CALN1: variants seen among roughly 807,000 people sequenced by gnomAD.
CALN1 encodes calneuron 1, also known as calcium-binding protein 8.
CALN1 carries 17 observed loss-of-function variants against 30.6 expected under a neutral mutation model. The observed-to-expected ratio is 0.56, with a 90% confidence interval of 0.38 to 0.83. CALN1 has a LOEUF of 0.83. CALN1 is among the 40% of genes least tolerant of loss of function. The probability of loss-of-function intolerance (pLI) is 0.00; values close to 1 mark genes in which losing one functional copy is unlikely to be tolerated. For synonymous variants in CALN1, 156 were observed against 131.4 expected (o/e 1.19, Z -1.28); for missense variants, 291 against 354.9 (o/e 0.82, Z 1.45).
intron 5 of CALN1, among the ~76,000 whole-genome samples, chr7:71,825,323 C>T (rs926222913): frequency 6.6e-6 from 1 of 152,116 alleles, no homozygotes; most frequent in South Asian, 2.1e-4. Flanking sequence ...GGGGCAGTTT[C>T]CCCCATACTG....
chr7:72,482,611 T>C, the CALN1 span, among the ~76,000 whole-genome samples: 1 of 152,170 alleles, frequency 6.6e-6, no homozygotes, highest in East Asian at 1.9e-4. Context: ...ATAAGAACAT[T>C]ATAATAGTAT....
intron 3 of CALN1, among the ~76,000 whole-genome samples, chr7:72,261,754 A>ACAC (rs1354876360): frequency 2.0e-5 from 3 of 152,170 alleles, no homozygotes; most frequent in Admixed American, 6.6e-5. Context: ...CAGGAAAAAA[A>ACAC]CACCACCACC....
At chr7:72,410,614 C>G (rs1474623699) in intron 1 of CALN1, among the ~76,000 whole-genome samples, 53 of 152,306 alleles carry the variant, frequency 3.5e-4, no homozygotes, top group Non-Finnish European at 5.9e-5. Flanking sequence ...GCCCTAATGT[C>G]CCTTCATGTC....
intron 4 of CALN1, among the ~76,000 whole-genome samples, chr7:72,047,704 CA>C (rs1403705796): frequency 6.6e-6 from 1 of 152,184 alleles, no homozygotes; most frequent in African/African-American, 2.4e-5. Flanking sequence ...CAGGGAACTG[CA>C]ACTTCTAACT....
intron 5 of CALN1, among the ~76,000 whole-genome samples, chr7:71,971,538 C>T (rs1797799381): frequency 6.6e-6 from 1 of 152,056 alleles, no homozygotes; most frequent in Non-Finnish European, 1.5e-5. Context: ...ATTCTATATG[C>T]ATTATCTCAT....
intron 2 of CALN1, among the ~76,000 whole-genome samples, chr7:72,329,544 C>G (rs571141048): frequency 2.0e-5 from 3 of 152,352 alleles, no homozygotes; most frequent in South Asian, 2.1e-4. Context: ...CCAGTTCATT[C>G]CTGCTTTGAG....
intron 3 of CALN1, among the ~76,000 whole-genome samples, chr7:72,204,716 T>C (rs1264381817): frequency 1.3e-5 from 2 of 152,176 alleles, no homozygotes; most frequent in South Asian, 2.1e-4. Context: ...GAATTATACA[T>C]GTAAAGACTT....
At chr7:71,791,590 T>A (rs1793389886) in intron 6 of CALN1, among the ~76,000 whole-genome samples, 1 of 151,876 alleles carries the variant, frequency 6.6e-6, no homozygotes, top group Non-Finnish European at 1.5e-5. Flanking sequence ...CAGAAAAAAA[T>A]CACTATTGGG....
chr7:72,154,883 C>T (rs1198421451), intron 3 of CALN1, among the ~76,000 whole-genome samples: 2 of 145,948 alleles, frequency 1.4e-5, no homozygotes, highest in Non-Finnish European at 3.0e-5. Flanking sequence ...TAATGAGATC[C>T]TGTCTCTACA....
intron 4 of CALN1, among the ~76,000 whole-genome samples, chr7:72,083,134 G>A (rs1805259582): frequency 6.6e-6 from 1 of 152,042 alleles, no homozygotes; most frequent in South Asian, 2.1e-4. Context: ...CTGGGAGGCG[G>A]AGGATGCAGT....
chr7:72,410,149 T>C (rs1207171180), intron 1 of CALN1, among the ~76,000 whole-genome samples: 1 of 152,118 alleles, frequency 6.6e-6, no homozygotes, highest in African/African-American at 2.4e-5. Context: ...GAGTGTGAGC[T>C]CCAGCCTGCC....
intron 5 of CALN1, among the ~76,000 whole-genome samples, chr7:71,856,591 C>T (rs544889982): frequency 2.4e-4 from 37 of 152,256 alleles, no homozygotes; most frequent in African/African-American, 8.4e-4. Flanking sequence ...TACTGTTTAA[C>T]TGCTTCATTT....
chr7:71,820,772 G>C (rs367762103), intron 5 of CALN1, among the ~76,000 whole-genome samples: 1 of 152,154 alleles, frequency 6.6e-6, no homozygotes, highest in Non-Finnish European at 1.5e-5. Flanking sequence ...GAAATTACTT[G>C]ATCAGGTTTG....
chr7:72,328,528 A>C (rs1267058814), intron 2 of CALN1, among the ~76,000 whole-genome samples: 1 of 152,198 alleles, frequency 6.6e-6, no homozygotes, highest in Non-Finnish European at 1.5e-5. Flanking sequence ...GTATGTCTTT[A>C]TTAGCAGTGT....
intron 5 of CALN1, among the ~76,000 whole-genome samples, chr7:72,012,197 A>C (rs1800119923): frequency 6.6e-6 from 1 of 152,106 alleles, no homozygotes; most frequent in African/African-American, 2.4e-5. Context: ...ACCAGCCATG[A>C]GGTTATTTTG....
intron 3 of CALN1, among the ~76,000 whole-genome samples, chr7:72,215,115 C>T (rs1381622388): frequency 6.6e-6 from 1 of 152,144 alleles, no homozygotes. Context: ...TGGGAAAAAG[C>T]ATCTTCCATG....
At chr7:72,083,044 T>C (rs1805252606) in intron 4 of CALN1, among the ~76,000 whole-genome samples, 1 of 151,444 alleles carries the variant, frequency 6.6e-6, no homozygotes, top group Admixed American at 6.6e-5. Context: ...CTATTAAAAA[T>C]ACAAAAATTA....
At chr7:71,934,309 T>C (rs1355116093) in intron 5 of CALN1, among the ~76,000 whole-genome samples, 1 of 152,222 alleles carries the variant, frequency 6.6e-6, no homozygotes, top group Non-Finnish European at 1.5e-5. Flanking sequence ...TTAGTACTTA[T>C]GGGATGTGTG....
intron 2 of CALN1, among the ~76,000 whole-genome samples, chr7:72,339,702 C>T (rs1219348845): frequency 6.6e-6 from 1 of 152,212 alleles, no homozygotes; most frequent in Admixed American, 6.5e-5. Flanking sequence ...GCCTCACAGT[C>T]ATGGCAGAAG....
Sources: allele counts gnomAD v4.1 joint callset (sites outside exome capture counted in the v4.1 genomes callset), GRCh38; gene constraint gnomAD v4.1.1; transcripts MANE v1.5; gene names NCBI Gene and HGNC (gene_info 2026-07-23, HGNC 2026-07-21).